SNX3: variants seen among roughly 807,000 people sequenced by gnomAD.
SNX3 encodes the protein sorting nexin-3.
In SNX3, 5 loss-of-function variants were observed where a neutral mutation model predicts 17.7. That is an observed-to-expected ratio of 0.28 (90% CI 0.15 to 0.59). SNX3 has a LOEUF of 0.59. SNX3 is among the 20% of genes least tolerant of loss of function. SNX3 has a pLI of 0.88. For missense variants in SNX3, 132 were observed against 206.8 expected (o/e 0.64, Z 2.22); for synonymous variants, 91 against 76.5 (o/e 1.19, Z -0.99).
At position 108,244,647 on chromosome 6, in the gene SNX3, G is replaced by GTTT. The variant is rs1021781550; in HGVS notation, c.162+16110_162+16112dup. Among the ~76,000 whole-genome samples, 254 of 87,212 alleles carry GTTT rather than the reference G, an allele frequency of 2.9e-3. 11 individuals are homozygous for GTTT. The highest frequency in any genetic ancestry group is 8.5e-3 in the African/African-American group (176 of 20,790). 57.2% of individuals were successfully genotyped at this position (87,212 alleles called of 152,430 possible). A position where few individuals can be genotyped will look rare whatever the true frequency, so the allele number is the denominator to read the frequency against. ...TAGTCTATAAGAATATAAGTAAGGA[G>GTTT]TTTTTTTTTTTTTTTTTTTTTTTTG... On this transcript the variant is annotated intron_variant, in intron 1 of 3. Coordinates refer to ENST00000230085, the MANE Select transcript of SNX3 (RefSeq NM_003795.6).
At chr6:108,240,952 C>A (rs1290045560) in intron 1 of SNX3, among the ~76,000 whole-genome samples, 1 of 151,542 alleles carries the variant, frequency 6.6e-6, no homozygotes, top group Non-Finnish European at 1.5e-5. Context: ...ACCACCCTGG[C>A]CAACACGGTG....
chr6:108,225,636 A>C (rs1325871496), intron 1 of SNX3, among the ~76,000 whole-genome samples: 2 of 152,322 alleles, frequency 1.3e-5, no homozygotes, highest in East Asian at 3.9e-4. Flanking sequence ...TGACTCAAAC[A>C]AAACAAAACA....
intron 1 of SNX3, among the ~76,000 whole-genome samples, chr6:108,247,233 A>T (rs1371980142): frequency 6.6e-6 from 1 of 152,122 alleles, no homozygotes; most frequent in Non-Finnish European, 1.5e-5. Flanking sequence ...CAATACTGTG[A>T]GTCAATTAAA....
intron 1 of SNX3, among the ~76,000 whole-genome samples, chr6:108,247,910 C>A (rs1223418257): frequency 6.6e-6 from 1 of 151,654 alleles, no homozygotes; most frequent in Non-Finnish European, 1.5e-5. Context: ...CCAGCCTGGG[C>A]AACACAGCAA....
intron 1 of SNX3, among the ~76,000 whole-genome samples, chr6:108,245,954 T>G (rs1001703751): frequency 6.6e-6 from 1 of 152,244 alleles, no homozygotes; most frequent in Admixed American, 6.5e-5. Flanking sequence ...TTAGATCCCA[T>G]TTGTCAATTT....
At chr6:108,248,623 C>T (rs1582506804) in intron 1 of SNX3, among the ~76,000 whole-genome samples, 1 of 152,190 alleles carries the variant, frequency 6.6e-6, no homozygotes, top group South Asian at 2.1e-4. Flanking sequence ...AACAAAAACG[C>T]TCTAAAACTG....
intron 1 of SNX3, among the ~76,000 whole-genome samples, chr6:108,228,319 C>T (rs1034280250): frequency 1.1e-4 from 16 of 152,038 alleles, no homozygotes; most frequent in Admixed American, 3.9e-4. Context: ...GAGGCCAAGG[C>T]GGGTGGATCA....
chr6:108,222,196 G>T (rs1348387468), intron 2 of SNX3: 1 of 1,302,860 alleles, frequency 7.7e-7, no homozygotes, highest in Non-Finnish European at 1.0e-6. Flanking sequence ...CCTTCATCTA[G>T]TTCAGGACTC....
At chr6:108,255,722 T>A in intron 1 of SNX3, among the ~76,000 whole-genome samples, 1 of 152,284 alleles carries the variant, frequency 6.6e-6, no homozygotes, top group Non-Finnish European at 1.5e-5. Flanking sequence ...CAAAAATAAG[T>A]CTAAGATTTT....
intron 2 of SNX3, among the ~76,000 whole-genome samples, chr6:108,217,816 T>C (rs1399469037): frequency 6.6e-6 from 1 of 151,098 alleles, no homozygotes; most frequent in South Asian, 2.1e-4. Context: ...TGCGTGCATG[T>C]GGGGTGAGAA....
At chr6:108,260,375 G>A (rs1776153132) in intron 1 of SNX3, among the ~76,000 whole-genome samples, 1 of 152,186 alleles carries the variant, frequency 6.6e-6, no homozygotes, top group Non-Finnish European at 1.5e-5. Context: ...GAGAAAACTG[G>A]GAAAAGGCTT....
chr6:108,254,787 C>T (rs1011519836), intron 1 of SNX3, among the ~76,000 whole-genome samples: 11 of 152,134 alleles, frequency 7.2e-5, no homozygotes, highest in Non-Finnish European at 1.5e-4. Context: ...AAAAAGGGGA[C>T]ATTAAGGCTG....
chr6:108,216,391 C>T (rs533105603), intron 2 of SNX3, among the ~76,000 whole-genome samples: 19 of 152,148 alleles, frequency 1.2e-4, no homozygotes, highest in Admixed American at 5.9e-4. Flanking sequence ...CAGTGTCAAA[C>T]GTCTCCTGGG....
At chr6:108,245,854 A>C (rs1328938226) in intron 1 of SNX3, among the ~76,000 whole-genome samples, 1 of 152,214 alleles carries the variant, frequency 6.6e-6, no homozygotes, top group Non-Finnish European at 1.5e-5. Flanking sequence ...GACCTTTGTC[A>C]GATGGATAGA....
intron 1 of SNX3, among the ~76,000 whole-genome samples, chr6:108,247,360 C>T (rs1775722220): frequency 6.6e-6 from 1 of 151,812 alleles, no homozygotes; most frequent in South Asian, 2.1e-4. Flanking sequence ...ATGAAGTGGT[C>T]AATATCTAGG....
At chr6:108,234,482 C>T (rs1026757055) in intron 1 of SNX3, among the ~76,000 whole-genome samples, 2 of 151,900 alleles carry the variant, frequency 1.3e-5, no homozygotes, top group East Asian at 1.9e-4. Flanking sequence ...ACCCAAGAGG[C>T]GGAGGTTGCG....
chr6:108,239,692 G>A (rs1775459453), intron 1 of SNX3, among the ~76,000 whole-genome samples: 1 of 152,118 alleles, frequency 6.6e-6, no homozygotes, highest in South Asian at 2.1e-4. Context: ...AACAGAGAGA[G>A]GATTCTTACA....
intron 1 of SNX3, among the ~76,000 whole-genome samples, chr6:108,240,131 G>A (rs866756480): frequency 1.3e-5 from 2 of 152,178 alleles, no homozygotes; most frequent in Non-Finnish European, 2.9e-5. Flanking sequence ...AGGAAAGTGG[G>A]CACAGGTGTA....
chr6:108,252,692 G>C (rs1457371220), intron 1 of SNX3, among the ~76,000 whole-genome samples: 1 of 150,434 alleles, frequency 6.6e-6, no homozygotes, highest in East Asian at 1.9e-4. Context: ...TTTTTTTTTG[G>C]CACAGAGTCG....
Sources: gnomAD v4.1 joint callset for allele counts (sites outside exome capture counted in the v4.1 genomes callset) on GRCh38, gnomAD v4.1.1 for gene constraint, MANE v1.5 for transcripts, NCBI Gene and HGNC (gene_info 2026-07-23, HGNC 2026-07-21) for gene names.